Variants in KIAA1549 observed in about 807,000 individuals in gnomAD.
KIAA1549 encodes the protein KIAA1549.
A neutral mutation model predicts 156.4 loss-of-function variants in KIAA1549; 70 were observed. That is an observed-to-expected ratio of 0.45 (90% CI 0.37 to 0.55). KIAA1549 has a LOEUF of 0.55. Ranked by LOEUF, KIAA1549 falls within the 20% of genes least tolerant of loss-of-function variation. The pLI is 0.00. For missense variants in KIAA1549, 2,428 were observed against 2,540.9 expected (o/e 0.96, Z 0.96); for synonymous variants, 1,103 against 1,066.4 (o/e 1.03, Z -0.67).
Position 138,917,819 on chromosome 7 carries a change from A to C in KIAA1549, c.1807T>G (p.Phe603Val), listed in dbSNP as rs1239710738. 12 of 1,596,612 alleles carry C rather than the reference A, an allele frequency of 7.5e-6. No homozygotes were observed. The highest frequency in any genetic ancestry group is 1.3e-5 in the African/African-American group (1 of 74,746). Reference protein sequence around the residue: ...SLVPSVESSLFSDQERSSFSE... With the variant: ...SLVPSVESSLVSDQERSSFSE... ...AAACTGGAACGTTCTTGGTCAGAGA[A>C]AAGTGAAGACTCCACTGAAGGAACC... Residue 603 changes from phenylalanine (F) to valine (V), a missense_variant, in exon 2 of 20, where the codon TTC becomes GTC. Coordinates refer to ENST00000422774, the MANE Select transcript of KIAA1549 (RefSeq NM_001164665.2).
chr7:138,915,955 C>T (rs1041752699), intron 2 of KIAA1549, among the ~76,000 whole-genome samples: 63 of 152,368 alleles, frequency 4.1e-4, no homozygotes, highest in Admixed American at 3.3e-4. Context: ...CAGCTTCACG[C>T]GGCCACAGCA....
intron 12 of KIAA1549, 129 bp from the exon 13 acceptor site, chr7:138,871,491 G>A (rs1185962794): frequency 4.4e-6 from 3 of 684,588 alleles, no homozygotes; most frequent in Admixed American, 3.4e-5. Flanking sequence ...CCCCACTGCA[G>A]TAGCAGAGTG....
intron 17 of KIAA1549, among the ~76,000 whole-genome samples, chr7:138,844,886 T>C (rs1810030193): frequency 6.6e-6 from 1 of 152,058 alleles, no homozygotes; most frequent in Non-Finnish European, 1.5e-5. Flanking sequence ...TTTTTTTTTT[T>C]TGAGACAGAG....
At chr7:138,903,792 AGTGTGTGTGTGTGTGT>A (rs55745123) in intron 7 of KIAA1549, 56 bp from the exon 8 acceptor site, 20,298 of 1,195,016 alleles carry the variant, frequency 0.017, 553 homozygotes, top group East Asian at 0.048. Context: ...GTAAAAAAAC[AGTGTGTGTGTGTGTGT>A]GTGTGTGTGT....
rs948577454 is a variant in KIAA1549, at chr7:138,933,732, G to A, written c.188-14294C>T. Among the ~76,000 whole-genome samples, 5 of 152,320 alleles carry A rather than the reference G, an allele frequency of 3.3e-5. No individual in the cohort carries two copies. The South Asian group carries it at 6.2e-4, about 19-fold the overall frequency. On this transcript the variant is annotated intron_variant, in intron 1 of 19. Coordinates refer to ENST00000422774, the MANE Select transcript of KIAA1549 (RefSeq NM_001164665.2). ...TGTAATCCCAGCACTTTCAGAGGCC[G>A]GGGCAGGCGGATCACCTGAGGTCAG... is the stretch of plus-strand genomic sequence containing the variant.
At chr7:138,957,490 C>CT (rs1444115827) in intron 1 of KIAA1549, among the ~76,000 whole-genome samples, 1 of 130,180 alleles carries the variant, frequency 7.7e-6, no homozygotes, top group African/African-American at 2.8e-5. Flanking sequence ...TCCTCTTCTT[C>CT]TTTTTGAGAT....
In KIAA1549 at chr7:138,871,316, G is replaced by A. The variant is rs1810930325; in HGVS notation, c.4392C>T (p.Ser1464=). The A allele has an allele frequency of 3.1e-6, 5 of 1,600,246 alleles. No homozygotes were observed. In the Admixed American group the frequency reaches 8.6e-5, roughly 27 times the overall value. ...SSGNEQHSSA[S]IFEHVDRISR... ...AGATCCTGTCCACGTGCTCGAAGAT[G>A]GAGGCTGATGAGTGCTGCTCATTTC... The change falls in exon 13 of 20, where the codon TCC becomes TCT. Residue 1464 remains serine, a synonymous_variant. Transcript: ENST00000422774.
chr7:138,954,853 G>A (rs1383610079), intron 1 of KIAA1549, among the ~76,000 whole-genome samples: 1 of 152,146 alleles, frequency 6.6e-6, no homozygotes, highest in African/African-American at 2.4e-5. Context: ...GAGAAGGCAG[G>A]GAAAGAAAAG....
chr7:138,892,479 A>C (rs1199586040), intron 10 of KIAA1549, among the ~76,000 whole-genome samples: 2 of 152,258 alleles, frequency 1.3e-5, no homozygotes, highest in Non-Finnish European at 2.9e-5. Flanking sequence ...TGAAATTCAC[A>C]CTATGAATCA....
Position 138,899,095 on chromosome 7 carries a change from G to A in KIAA1549, c.3707C>T (p.Pro1236Leu), listed in dbSNP as rs367571312. The A allele has an allele frequency of 2.2e-5, 36 of 1,613,756 alleles. No individual in the cohort carries two copies. Among genetic ancestry groups the A allele is most frequent in the Non-Finnish European group, 2.8e-5 (33 of 1,179,732 alleles). The change falls in exon 9 of 20, where the codon CCG becomes CTG. Residue 1236 changes from proline to leucine, a missense_variant. Physicochemically the swap from Pro to Leu is moderately conservative, Grantham distance 98. This residue lies in a region of KIAA1549 where 762 missense variants were observed against 901.6 expected (regional missense o/e 0.85). Coordinates refer to ENST00000422774, the MANE Select transcript of KIAA1549 (RefSeq NM_001164665.2). ...NVSRLEGDDNPVQLIYFVEDQ... is the reference protein window; with the variant it reads ...NVSRLEGDDNLVQLIYFVEDQ... ...CTCCACAAAGTAGATGAGCTGTACC[G>A]GATTGTCATCTCCCTCCAGCCTCGA...
In KIAA1549 at chr7:138,837,869, G is replaced by A. The variant is rs1809777078; in HGVS notation, c.*37C>T. On this transcript the variant is annotated 3_prime_UTR_variant, in exon 20 of 20. Transcript: ENST00000422774. ...TTTCCTTTTGGTCTTGCTTCCACAGGAAGCGGATACTTGGCAAATCTGCGA... is the reference window on the plus strand; with the variant it reads ...TTTCCTTTTGGTCTTGCTTCCACAGAAAGCGGATACTTGGCAAATCTGCGA... 8 of 1,600,692 alleles carry A rather than the reference G, an allele frequency of 5.0e-6. No homozygotes were observed. The highest frequency in any genetic ancestry group is 6.8e-6 in the Non-Finnish European group (8 of 1,173,584).
intron 1 of KIAA1549, among the ~76,000 whole-genome samples, chr7:138,955,008 C>A (rs571161639): frequency 1.3e-5 from 2 of 152,112 alleles, no homozygotes; most frequent in South Asian, 4.1e-4. Context: ...GGATTAAGTC[C>A]CCGCACACAC....
intron 10 of KIAA1549, 107 bp downstream of exon 10, chr7:138,894,235 A>G: frequency 1.8e-6 from 2 of 1,098,702 alleles, no homozygotes; most frequent in East Asian, 2.4e-5. Flanking sequence ...GATTTCCATA[A>G]TAGCCCTCCC....
At chr7:138,910,015 G>A (rs1406174492) in intron 4 of KIAA1549, among the ~76,000 whole-genome samples, 2 of 152,138 alleles carry the variant, frequency 1.3e-5, no homozygotes, top group African/African-American at 4.8e-5. Flanking sequence ...ATCTTTTAGA[G>A]GCTATATAGG....
intron 6 of KIAA1549, 26 bp from the exon 7 acceptor site, chr7:138,905,107 G>A (rs1301900060): frequency 6.7e-7 from 1 of 1,488,746 alleles, no homozygotes; most frequent in Non-Finnish European, 9.2e-7. Context: ...AATTAGGGAA[G>A]GAGAAAAATA....
At chr7:138,859,419 G>A (rs1810490576) in intron 16 of KIAA1549, among the ~76,000 whole-genome samples, 1 of 152,134 alleles carries the variant, frequency 6.6e-6, no homozygotes, top group African/African-American at 2.4e-5. Context: ...AATTTTGAGG[G>A]TTGTTCCTGC....
In KIAA1549 at chr7:138,908,997, C is replaced by G. The variant is rs758922073; in HGVS notation, c.3270G>C (p.Thr1090=). The G allele has an allele frequency of 1.2e-6, 2 of 1,613,996 alleles. No individual in the cohort carries two copies. The highest frequency in any genetic ancestry group is 4.5e-5 in the East Asian group (2 of 44,888). The change falls in exon 5 of 20, where the codon ACG becomes ACC. Residue 1090 remains threonine (T), a synonymous_variant. Coordinates refer to ENST00000422774, the MANE Select transcript of KIAA1549 (RefSeq NM_001164665.2). ...CATTCAGTGATATTCTCACCTGCAC[C>G]GTGAGGTTATACGTTCCCTGGTGGT... The part of the protein sequence containing the change: ...RKHHQGTYNL[T]VQILNITISS...
At chr7:138,920,098 G>T (rs2130485553) in intron 1 of KIAA1549, among the ~76,000 whole-genome samples, 1 of 96,338 alleles carries the variant, frequency 1.0e-5, no homozygotes, top group African/African-American at 6.7e-5. Flanking sequence ...TCTGGCACCT[G>T]CAGTGCCCCA....
chr7:138,966,246 T>G (rs753387775), intron 1 of KIAA1549, among the ~76,000 whole-genome samples: 1 of 151,962 alleles, frequency 6.6e-6, no homozygotes, highest in East Asian at 1.9e-4. Context: ...CCCTATCCAA[T>G]ACCACGGTCC....
Sources: allele counts gnomAD v4.1 joint callset (sites outside exome capture counted in the v4.1 genomes callset), GRCh38; gene constraint gnomAD v4.1.1; regional missense constraint gnomAD v4.1.1; transcripts MANE v1.5; gene names NCBI Gene and HGNC (gene_info 2026-07-23, HGNC 2026-07-21).